The following ACTL8 variants were observed in gnomAD, a reference collection of about 807,000 sequenced individuals.
The protein encoded by ACTL8 is actin-like protein 8.
A neutral mutation model predicts 9.3 loss-of-function variants in ACTL8; 3 were observed. That is an observed-to-expected ratio of 0.32 (90% CI 0.15 to 0.83). ACTL8 has a LOEUF of 0.83. Ranked by LOEUF, ACTL8 falls within the 40% of genes least tolerant of loss-of-function variation. The pLI, the probability that ACTL8 is intolerant of heterozygous loss-of-function variation, is 0.57. For synonymous variants in ACTL8, 224 were observed against 205.9 expected (o/e 1.09, Z -0.75); for missense variants, 381 against 492.2 (o/e 0.77, Z 2.14).
chr1:17,797,958 G>A (rs2066290021), intron 1 of ACTL8, among the ~76,000 whole-genome samples: 1 of 152,144 alleles, frequency 6.6e-6, no homozygotes, highest in Non-Finnish European at 1.5e-5. Context: ...GGATCATTGA[G>A]AAACTGAAAT....
chr1:17,768,023 C>T (rs2066057814), intron 1 of ACTL8, among the ~76,000 whole-genome samples: 1 of 152,038 alleles, frequency 6.6e-6, no homozygotes, highest in African/African-American at 2.4e-5. Flanking sequence ...TCAGTCAGGG[C>T]TCCGTGTGTG....
chr1:17,777,495 C>T lies in ACTL8; in HGVS notation c.-25+21991C>T, dbSNP rs147919545. ...GTGGAAGGTGTCTGAGATCCTTGGC[C>T]GGTGATAGCAGGTGTGAGACGGGGT... On this transcript the variant is annotated intron_variant, in intron 1 of 2. Transcript: ENST00000375406. Among the ~76,000 whole-genome samples, 577 of 152,218 alleles carry T rather than the reference C, an allele frequency of 3.8e-3. 5 individuals carry two copies. Among genetic ancestry groups the T allele is most frequent in the African/African-American group, 0.013 (532 of 41,538 alleles).
intron 1 of ACTL8, among the ~76,000 whole-genome samples, chr1:17,806,544 C>T (rs529708071): frequency 5.3e-5 from 8 of 152,274 alleles, no homozygotes; most frequent in South Asian, 2.1e-4. Flanking sequence ...ACTTGCTTAG[C>T]GCTTGGTCCC....
intron 1 of ACTL8, among the ~76,000 whole-genome samples, chr1:17,789,528 G>A (rs1557436281): frequency 6.6e-6 from 1 of 152,098 alleles, no homozygotes; most frequent in Non-Finnish European, 1.5e-5. Context: ...TTCAGTCTTG[G>A]TGGTGTCCCC....
intron 1 of ACTL8, among the ~76,000 whole-genome samples, chr1:17,761,465 C>T (rs139270750): frequency 6.6e-5 from 10 of 152,272 alleles, no homozygotes; most frequent in Admixed American, 3.9e-4. Flanking sequence ...CTGTGTGATC[C>T]GCCCAGGTAA....
intron 1 of ACTL8, among the ~76,000 whole-genome samples, chr1:17,817,684 ACTTTT>A (rs1461468848): frequency 6.9e-6 from 1 of 144,966 alleles, no homozygotes; most frequent in African/African-American, 2.5e-5. Flanking sequence ...CATCCCAACC[ACTTTT>A]CTTTTTTCTT....
At chr1:17,800,887 C>T (rs191229790) in intron 1 of ACTL8, among the ~76,000 whole-genome samples, 7 of 152,092 alleles carry the variant, frequency 4.6e-5, no homozygotes, top group Non-Finnish European at 8.8e-5. Context: ...GCCACTGTGC[C>T]CGGCCACCTT....
At chr1:17,764,445 A>T (rs1006586621) in intron 1 of ACTL8, among the ~76,000 whole-genome samples, 1 of 152,100 alleles carries the variant, frequency 6.6e-6, no homozygotes, top group East Asian at 1.9e-4. Flanking sequence ...TTCCAGCCCA[A>T]TGTTTCTTCT....
At chr1:17,821,667 C>T (rs572903175) in intron 1 of ACTL8, among the ~76,000 whole-genome samples, 12 of 151,766 alleles carry the variant, frequency 7.9e-5, no homozygotes, top group South Asian at 2.1e-4. Flanking sequence ...CTCACTCTGT[C>T]GCCTAGTCTG....
chr1:17,773,818 G>A (rs1398860441), intron 1 of ACTL8, among the ~76,000 whole-genome samples: 4 of 152,234 alleles, frequency 2.6e-5, no homozygotes, highest in Admixed American at 6.5e-5. Context: ...GGCCCATGCC[G>A]AACAGATGCT....
chr1:17,756,593 C>T (rs1185230879), intron 1 of ACTL8, among the ~76,000 whole-genome samples: 1 of 152,176 alleles, frequency 6.6e-6, no homozygotes, highest in Admixed American at 6.5e-5. Flanking sequence ...CTGTAAAAAT[C>T]ACTGTATGGT....
chr1:17,773,076 C>T (rs920248595), intron 1 of ACTL8, among the ~76,000 whole-genome samples: 7 of 152,328 alleles, frequency 4.6e-5, no homozygotes, highest in East Asian at 1.9e-4. Context: ...CGGACACTGT[C>T]GACGTAATCC....
intron 1 of ACTL8, among the ~76,000 whole-genome samples, chr1:17,800,241 C>G (rs1185105424): frequency 6.6e-6 from 1 of 152,166 alleles, no homozygotes; most frequent in East Asian, 1.9e-4. Flanking sequence ...TAAAACTTTT[C>G]TCCATACAAG....
At chr1:17,773,066 C>T (rs532918067) in intron 1 of ACTL8, among the ~76,000 whole-genome samples, 13 of 152,204 alleles carry the variant, frequency 8.5e-5, no homozygotes, top group South Asian at 2.1e-4. Context: ...CTCGCTGCGT[C>T]GGACACTGTC....
At chr1:17,778,736 A>G (rs1021880301) in intron 1 of ACTL8, among the ~76,000 whole-genome samples, 3 of 152,026 alleles carry the variant, frequency 2.0e-5, no homozygotes, top group African/African-American at 4.8e-5. Context: ...TTTTTGCCCT[A>G]ACTGATGAGA....
chr1:17,777,521 G>A (rs1302416440), intron 1 of ACTL8, among the ~76,000 whole-genome samples: 3 of 152,162 alleles, frequency 2.0e-5, no homozygotes, highest in Admixed American at 1.3e-4. Flanking sequence ...GAGACGGGGT[G>A]CTCATCTCCT....
At position 17,767,217 on chromosome 1, in the gene ACTL8, G is replaced by A. The variant is rs2066051071; in HGVS notation, c.-25+11713G>A. Among the ~76,000 whole-genome samples, 1 of 152,120 alleles carries A rather than the reference G, an allele frequency of 6.6e-6. No homozygotes were observed. The highest frequency in any genetic ancestry group is 1.5e-5 in the Non-Finnish European group (1 of 68,018). On this transcript the variant is annotated intron_variant, in intron 1 of 2. Transcript: ENST00000375406. The surrounding 1 kb of genome is among the most constrained non-coding windows in gnomAD (Gnocchi z 4.7). ...CGGTGGGACTGTGGAGGCCTGCTCT[G>A]GAAACAGTGAGGAGGGCATCAGGAG...
At chr1:17,762,108 C>A (rs2066010432) in intron 1 of ACTL8, among the ~76,000 whole-genome samples, 1 of 152,066 alleles carries the variant, frequency 6.6e-6, no homozygotes, top group African/African-American at 2.4e-5. Flanking sequence ...AATGTGGCCT[C>A]CTGGTAGCTG....
intron 1 of ACTL8, among the ~76,000 whole-genome samples, chr1:17,795,956 A>T (rs2066273851): frequency 1.3e-5 from 2 of 152,166 alleles, no homozygotes; most frequent in South Asian, 4.1e-4. Flanking sequence ...CATTCCCCTG[A>T]TGCCCCTTTC....
Sources: gnomAD v4.1 joint callset for allele counts (sites outside exome capture counted in the v4.1 genomes callset) on GRCh38, gnomAD v4.1.1 for gene constraint, Gnocchi (gnomAD v3.1) non-coding constraint, MANE v1.5 for transcripts, NCBI Gene and HGNC (gene_info 2026-07-23, HGNC 2026-07-21) for gene names.